Variants in VPS13B observed in about 807,000 individuals in gnomAD.
VPS13B encodes intermembrane lipid transfer protein VPS13B.
In VPS13B, 285 loss-of-function variants were observed where a neutral mutation model predicts 426.4. The ratio of observed to expected loss-of-function variants is 0.67; its 90% CI spans 0.61 to 0.74. The LOEUF is 0.74. VPS13B is among the 30% of genes least tolerant of loss of function. VPS13B has a pLI of 0.00. For synonymous variants in VPS13B, 1,676 were observed against 1,676.4 expected (o/e 1.00, Z 0.01); for missense variants, 4,537 against 4,782.6 (o/e 0.95, Z 1.51).
At chr8:99,729,103 CT>C (rs1216477434) in intron 39 of VPS13B, among the ~76,000 whole-genome samples, 5 of 152,148 alleles carry the variant, frequency 3.3e-5, no homozygotes, top group Admixed American at 6.6e-5. Flanking sequence ...ATCAGGTGCT[CT>C]TGGCCCAGTC....
chr8:99,271,697 G>A (rs1818618189), intron 17 of VPS13B, among the ~76,000 whole-genome samples: 1 of 152,178 alleles, frequency 6.6e-6, no homozygotes, highest in Non-Finnish European at 1.5e-5. Flanking sequence ...AGAATGCGAA[G>A]GGGAAGCAAG....
At chr8:99,527,576 C>T (rs140348514) in intron 30 of VPS13B, among the ~76,000 whole-genome samples, 1 of 152,178 alleles carries the variant, frequency 6.6e-6, no homozygotes, top group East Asian at 1.9e-4. Context: ...TACCATAGTC[C>T]TGAAGCACTG....
chr8:99,829,142 G>A lies in VPS13B; in HGVS notation c.9331-3227G>A, dbSNP rs567651703. 7.9e-5 allele frequency among the ~76,000 whole-genome samples: 12 copies of A among 152,086 alleles called. No individual in the cohort carries two copies. In the South Asian group the frequency reaches 8.3e-4, roughly 11 times the overall value. The stretch of plus-strand genomic sequence containing the variant: ...TCTGTATTTCCTGAATTTGAATGTC[G>A]GCCTGTCTTGCTGGGTTGGGGAAGT... On this transcript the variant is annotated intron_variant, in intron 51 of 61. Transcript: ENST00000357162.
At chr8:99,373,564 C>T (rs897756893) in intron 19 of VPS13B, among the ~76,000 whole-genome samples, 1 of 152,146 alleles carries the variant, frequency 6.6e-6, no homozygotes, top group African/African-American at 2.4e-5. Context: ...AAAATGTTAA[C>T]TTAGGCCGAG....
At chr8:99,426,683 ATG>A (rs1816727317) in intron 21 of VPS13B, among the ~76,000 whole-genome samples, 1 of 62,030 alleles carries the variant, frequency 1.6e-5, no homozygotes, top group East Asian at 4.3e-4. Context: ...GCATTTTTTC[ATG>A]TGTTTTTTGG....
intron 54 of VPS13B, among the ~76,000 whole-genome samples, chr8:99,841,017 T>A (rs1042246832): frequency 2.0e-5 from 3 of 152,220 alleles, no homozygotes; most frequent in Non-Finnish European, 4.4e-5. Context: ...GTCTAGAGTC[T>A]CCTCTGTGTT....
At chr8:99,073,766 C>G (rs915168438) in intron 3 of VPS13B, among the ~76,000 whole-genome samples, 4 of 47,020 alleles carry the variant, frequency 8.5e-5, no homozygotes, top group Non-Finnish European at 8.7e-5. Context: ...TTTTTTGTTT[C>G]TTTCTTTCTT....
intron 34 of VPS13B, among the ~76,000 whole-genome samples, chr8:99,651,146 A>T (rs1829799199): frequency 6.6e-6 from 1 of 152,114 alleles, no homozygotes; most frequent in Non-Finnish European, 1.5e-5. Context: ...ATATACATTT[A>T]AAAACGTATT....
intron 43 of VPS13B, among the ~76,000 whole-genome samples, chr8:99,807,764 T>C (rs1373341338): frequency 1.3e-5 from 2 of 151,812 alleles, no homozygotes; most frequent in East Asian, 3.9e-4. Context: ...ACTGATAGCA[T>C]TTTCCTATCA....
intron 3 of VPS13B, among the ~76,000 whole-genome samples, chr8:99,089,873 T>C (rs1846048066): frequency 6.6e-6 from 1 of 152,060 alleles, no homozygotes; most frequent in Non-Finnish European, 1.5e-5. Context: ...TGTATAAGGG[T>C]TATACTTTGA....
intron 7 of VPS13B, among the ~76,000 whole-genome samples, chr8:99,117,905 A>G (rs1369640008): frequency 6.6e-6 from 1 of 152,150 alleles, no homozygotes; most frequent in Non-Finnish European, 1.5e-5. Flanking sequence ...TGAATTGTAC[A>G]CCTTTAAATG....
chr8:99,760,694 G>C (rs951954905), intron 39 of VPS13B, among the ~76,000 whole-genome samples: 1 of 152,102 alleles, frequency 6.6e-6, no homozygotes, highest in Non-Finnish European at 1.5e-5. Context: ...GATGTGTTAA[G>C]GACAAATAGA....
rs1816466603 is a variant in VPS13B at position 99,854,818 on chromosome 8, C to T, written c.10867+562C>T. Reference sequence around the variant, plus strand: ...AGATGCACATTGAGCCCTCTATCTACCCAGTGCTGCACTGCCTGTCTATAT... The same window carrying T: ...AGATGCACATTGAGCCCTCTATCTATCCAGTGCTGCACTGCCTGTCTATAT... On this transcript the variant is annotated intron_variant, in intron 56 of 61. Coordinates refer to ENST00000357162, the MANE Select transcript of VPS13B (RefSeq NM_152564.5). Among the ~76,000 whole-genome samples the T allele has an allele frequency of 2.0e-5, 3 of 152,222 alleles. No homozygotes were observed. In the South Asian group the frequency reaches 6.2e-4, roughly 32 times the overall value.
rs561603561 is a variant in VPS13B at position 99,844,514 on chromosome 8, C to A, written c.9943-4262C>A. On this transcript the variant is annotated intron_variant, in intron 54 of 61. Coordinates refer to ENST00000357162, the MANE Select transcript of VPS13B (RefSeq NM_152564.5). ...TCCCGAGTAGCTGGGATTACAGGCACCCGCCACCATGCCCAGCTAATTTTT... is the reference window on the plus strand; with the variant it reads ...TCCCGAGTAGCTGGGATTACAGGCAACCGCCACCATGCCCAGCTAATTTTT... 7.2e-5 allele frequency among the ~76,000 whole-genome samples: 11 copies of A among 151,960 alleles called. No homozygotes were observed. The East Asian group carries it at 1.7e-3, about 24-fold the overall frequency.
At chr8:99,483,602 A>C (rs1004558829) in intron 25 of VPS13B, among the ~76,000 whole-genome samples, 4 of 152,198 alleles carry the variant, frequency 2.6e-5, no homozygotes, top group Non-Finnish European at 5.9e-5. Flanking sequence ...AAGATAATAC[A>C]AGTGAAAATG....
chr8:99,703,631 C>T (rs929724973), intron 36 of VPS13B, among the ~76,000 whole-genome samples: 2 of 152,034 alleles, frequency 1.3e-5, no homozygotes, highest in Admixed American at 1.3e-4. Flanking sequence ...AACAAAACAA[C>T]AGAAAAAAAG....
At chr8:99,077,400 C>T (rs186703631) in intron 3 of VPS13B, among the ~76,000 whole-genome samples, 1 of 152,144 alleles carries the variant, frequency 6.6e-6, no homozygotes, top group East Asian at 1.9e-4. Flanking sequence ...GAACTCCCGA[C>T]TTCATGTGAT....
At chr8:99,382,994 C>T (rs1813904096) in intron 19 of VPS13B, among the ~76,000 whole-genome samples, 1 of 152,106 alleles carries the variant, frequency 6.6e-6, no homozygotes, top group Admixed American at 6.6e-5. Flanking sequence ...AATATCCCTT[C>T]CCTTATGTTT....
At chr8:99,076,170 A>G (rs112832990) in intron 3 of VPS13B, among the ~76,000 whole-genome samples, 75 of 152,210 alleles carry the variant, frequency 4.9e-4, no homozygotes, top group African/African-American at 1.6e-3. Context: ...ACAGTTTCCA[A>G]TGTTCCTCTT....
Sources: allele counts gnomAD v4.1 joint callset (sites outside exome capture counted in the v4.1 genomes callset), GRCh38; gene constraint gnomAD v4.1.1; transcripts MANE v1.5; gene names NCBI Gene and HGNC (gene_info 2026-07-23, HGNC 2026-07-21).